Variants in PLCE1 observed in about 807,000 individuals in gnomAD.
PLCE1 encodes the protein 1-phosphatidylinositol 4,5-bisphosphate phosphodiesterase epsilon-1.
A neutral mutation model predicts 242.8 loss-of-function variants in PLCE1; 119 were observed. The ratio of observed to expected loss-of-function variants is 0.49; its 90% confidence interval spans 0.42 to 0.57. PLCE1 has a LOEUF of 0.57. PLCE1 is among the 20% of genes least tolerant of loss of function. PLCE1 has a pLI of 0.00. For synonymous variants in PLCE1, 945 were observed against 1,017.4 expected (o/e 0.93, Z 1.35); for missense variants, 2,441 against 2,788.8 (o/e 0.88, Z 2.81).
intron 2 of PLCE1, among the ~76,000 whole-genome samples, chr10:94,084,953 T>C (rs993765693): frequency 3.9e-5 from 6 of 152,050 alleles, no homozygotes; most frequent in Non-Finnish European, 8.8e-5. Flanking sequence ...ACAGGAAAAA[T>C]CACCCATGCA....
rs750514109 is a variant in PLCE1 at position 94,255,019 on chromosome 10, T to G, written c.3524T>G (p.Val1175Gly). Residue 1175 changes from valine (V) to glycine (G), a missense_variant, in exon 11 of 33, where the codon GTG becomes GGG. By Grantham distance (109) the Val-to-Gly change is moderately radical. This residue lies in a region of PLCE1 where 1,004 missense variants were observed against 1,322.7 expected (regional missense o/e 0.76). Coordinates refer to ENST00000371380, the MANE Select transcript of PLCE1 (RefSeq NM_016341.4). ...CCCATCAGGCCAGTGTCCTCCCCTG[T>G]GCTGTCTTCTTCAAACAAGAGCCCA... is the stretch of plus-strand genomic sequence containing the variant. ...SSPIRPVSSP[V>G]LSSSNKSPSS... 2.5e-6 allele frequency: 4 copies of G among 1,614,166 alleles called. No homozygotes were observed. The East Asian group carries it at 8.9e-5, about 36-fold the overall frequency.
At chr10:94,005,085 A>T (rs1030746631) in intron 1 of PLCE1, among the ~76,000 whole-genome samples, 1 of 152,236 alleles carries the variant, frequency 6.6e-6, no homozygotes, top group Non-Finnish European at 1.5e-5. Context: ...CTTTTGCTAA[A>T]CATTTCCATC....
At chr10:94,067,606 G>T (rs1416655702) in intron 2 of PLCE1, among the ~76,000 whole-genome samples, 1 of 152,172 alleles carries the variant, frequency 6.6e-6, no homozygotes, top group Non-Finnish European at 1.5e-5. Context: ...CACAAATAAG[G>T]CCTGAGCAAC....
chr10:94,062,582 G>GTTTTTTTT (rs5787099), intron 2 of PLCE1, among the ~76,000 whole-genome samples: 73 of 142,126 alleles, frequency 5.1e-4, no homozygotes, highest in African/African-American at 1.1e-3. Flanking sequence ...TCTTGGTTTT[G>GTTTTTTTT]TTTTTTTTTT....
intron 2 of PLCE1, among the ~76,000 whole-genome samples, chr10:94,038,882 G>A (rs569363187): frequency 4.6e-5 from 7 of 151,866 alleles, no homozygotes; most frequent in Admixed American, 3.9e-4. Flanking sequence ...ACCCTCTATC[G>A]CCCCATCCTG....
rs373411012 is a variant in PLCE1 at position 94,008,961 on chromosome 10, T to A, written c.-365+14703T>A. On this transcript the variant is annotated intron_variant, in intron 1 of 32. Transcript: ENST00000371380. ...GGTGCTAGAGGTGAACTCTAAGTAC[T>A]GCTCCTTACTGCTCTGGTCCCATCA... Among the ~76,000 whole-genome samples the A allele has an allele frequency of 1.9e-4, 29 of 152,318 alleles. No individual in the cohort carries two copies. The East Asian group carries it at 5.4e-3, about 28-fold the overall frequency.
chr10:94,272,704 C>T (rs2051792476), intron 18 of PLCE1, among the ~76,000 whole-genome samples: 1 of 152,134 alleles, frequency 6.6e-6, no homozygotes, highest in Admixed American at 6.5e-5. Flanking sequence ...TCCCTGACTT[C>T]CCACAACAAT....
At chr10:93,997,399 G>T (rs556527450) in intron 1 of PLCE1, among the ~76,000 whole-genome samples, 38 of 152,194 alleles carry the variant, frequency 2.5e-4, no homozygotes, top group Non-Finnish European at 5.4e-4. Flanking sequence ...CTGAATCACA[G>T]TTGGCTGGCT....
In PLCE1 at chr10:94,254,228, C is replaced by T; in HGVS notation, c.3318C>T (p.Thr1106=). The change falls in exon 10 of 33, where the codon ACC becomes ACT. Residue 1106 remains threonine, a synonymous_variant. Coordinates refer to ENST00000371380, the MANE Select transcript of PLCE1 (RefSeq NM_016341.4). ...AGGTAACTGACGATGAGATGGCAACCCGAAAGGCCAAGATGCACAAAGAGT... is the reference window on the plus strand; with the variant it reads ...AGGTAACTGACGATGAGATGGCAACTCGAAAGGCCAAGATGCACAAAGAGT... The part of the protein sequence containing the change: ...SGEVTDDEMA[T]RKAKMHKECR... 1 of 1,613,984 alleles carries T rather than the reference C, an allele frequency of 6.2e-7. No individual in the cohort carries two copies. The highest frequency in any genetic ancestry group is 8.5e-7 in the Non-Finnish European group (1 of 1,179,936).
chr10:94,324,085 C>T (rs2053923042), intron 30 of PLCE1, among the ~76,000 whole-genome samples: 1 of 152,176 alleles, frequency 6.6e-6, no homozygotes, highest in Admixed American at 6.5e-5. Context: ...TCTACTTAAC[C>T]TGTCTTAAGT....
rs1486879625 is a variant in PLCE1, at chr10:94,110,064, T to TTC, written c.1207-22109_1207-22108insCT. ...TTTCCTTTTTTTCTTTTTTCTTTTT[T>TTC]TTTTTTTTTTTTTTTTGAGATGGAG... On this transcript the variant is annotated intron_variant, in intron 2 of 32. Coordinates refer to ENST00000371380, the MANE Select transcript of PLCE1 (RefSeq NM_016341.4). Among the ~76,000 whole-genome samples, 212 of 109,208 alleles carry TTC rather than the reference T, an allele frequency of 1.9e-3. 3 individuals are homozygous for TTC. Among genetic ancestry groups the TTC allele is most frequent in the African/African-American group, 6.8e-3 (205 of 30,080 alleles). The allele number at this position is 109,208 out of a possible 152,430, so 71.6% of individuals were successfully genotyped here.
At chr10:94,027,299 G>A (rs2061466729) in intron 1 of PLCE1, among the ~76,000 whole-genome samples, 1 of 152,126 alleles carries the variant, frequency 6.6e-6, no homozygotes, top group Non-Finnish European at 1.5e-5. Flanking sequence ...CTTATCAGAT[G>A]GTAAGGAAAT....
chr10:94,274,495 GTAAT>G (rs2133184250), intron 19 of PLCE1, among the ~76,000 whole-genome samples: 1 of 152,244 alleles, frequency 6.6e-6, no homozygotes, highest in Non-Finnish European at 1.5e-5. Context: ...TCCTCTGAAG[GTAAT>G]ACATTACCCA....
At chr10:94,003,910 G>A (rs926275778) in intron 1 of PLCE1, among the ~76,000 whole-genome samples, 1 of 152,178 alleles carries the variant, frequency 6.6e-6, no homozygotes, top group Non-Finnish European at 1.5e-5. Context: ...CACTATGGGA[G>A]GCTGAGGCGG....
intron 7 of PLCE1, among the ~76,000 whole-genome samples, chr10:94,236,850 A>T (rs985243871): frequency 6.6e-6 from 1 of 151,574 alleles, no homozygotes; most frequent in African/African-American, 2.4e-5. Flanking sequence ...TAAGTTCTTA[A>T]TCTCCCTCTC....
intron 5 of PLCE1, among the ~76,000 whole-genome samples, chr10:94,230,514 G>C (rs2050107379): frequency 6.6e-6 from 1 of 151,884 alleles, no homozygotes; most frequent in Non-Finnish European, 1.5e-5. Flanking sequence ...TAGTAGAGAT[G>C]GACTTTCAAC....
chr10:94,161,070 G>A (rs560191853), intron 3 of PLCE1, among the ~76,000 whole-genome samples: 1 of 152,284 alleles, frequency 6.6e-6, no homozygotes, highest in African/African-American at 2.4e-5. Context: ...TTTTGGCTTA[G>A]GATTGACTTG....
intron 4 of PLCE1, among the ~76,000 whole-genome samples, chr10:94,216,520 G>C (rs2049533583): frequency 6.6e-6 from 1 of 152,144 alleles, no homozygotes; most frequent in African/African-American, 2.4e-5. Context: ...GGAGCAGGCA[G>C]TCCAGAGGTG....
intron 1 of PLCE1, among the ~76,000 whole-genome samples, chr10:94,025,674 A>G (rs2061442434): frequency 6.6e-6 from 1 of 152,176 alleles, no homozygotes. Flanking sequence ...TCTAAAAGTT[A>G]GGGAAATCTT....
Sources: gnomAD v4.1 joint callset for allele counts (sites outside exome capture counted in the v4.1 genomes callset) on GRCh38, gnomAD v4.1.1 for gene constraint, gnomAD v4.1.1 regional missense constraint, MANE v1.5 for transcripts, NCBI Gene and HGNC (gene_info 2026-07-23, HGNC 2026-07-21) for gene names.